TRAPPC9: variants seen among roughly 807,000 people sequenced by gnomAD.
TRAPPC9 encodes the protein trafficking protein particle complex subunit 9, also known as IKK2 binding protein.
TRAPPC9 carries 83 observed loss-of-function variants against 124.0 expected under a neutral mutation model. That is an observed-to-expected ratio of 0.67 (90% CI 0.56 to 0.80). The LOEUF is 0.80. Among genes scored for constraint, TRAPPC9 ranks in the 30% least tolerant of loss-of-function variants. The pLI, the probability that TRAPPC9 is intolerant of heterozygous loss-of-function variation, is 0.00. For missense variants in TRAPPC9, 1,302 were observed against 1,508.3 expected (o/e 0.86, Z 2.27); for synonymous variants, 638 against 617.5 (o/e 1.03, Z -0.49).
intron 18 of TRAPPC9, among the ~76,000 whole-genome samples, chr8:140,018,295 T>C (rs1482633115): frequency 6.6e-6 from 1 of 151,602 alleles, no homozygotes; most frequent in East Asian, 1.9e-4. Flanking sequence ...TTTCAAATTG[T>C]TAGTTGCTGG....
chr8:140,125,487 G>A (rs997553594), intron 17 of TRAPPC9, among the ~76,000 whole-genome samples: 1 of 152,016 alleles, frequency 6.6e-6, no homozygotes, highest in African/African-American at 2.4e-5. Flanking sequence ...AAGCATGGCA[G>A]TGTCTGTCCG....
rs1169924165 is a variant in TRAPPC9 at position 139,825,844 on chromosome 8, G to A, written c.3055+60035C>T. 1.3e-5 allele frequency among the ~76,000 whole-genome samples: 2 copies of A among 152,070 alleles called. No individual in the cohort carries two copies. Among genetic ancestry groups the A allele is most frequent in the Non-Finnish European group, 2.9e-5 (2 of 68,022 alleles). On this transcript the variant is annotated intron_variant, in intron 21 of 22. Coordinates refer to ENST00000438773, the MANE Select transcript of TRAPPC9 (RefSeq NM_001160372.4). This position sits in a 1 kb window ranked among gnomAD's most constrained non-coding sequence, Gnocchi z 4.6. ...GAGTGTCAACGCCCAAGGATTTCCA[G>A]GGCTTCCTCACCCATGGGTTCCTGA... is the stretch of plus-strand genomic sequence containing the variant.
chr8:140,433,217 G>A (rs369201360), intron 4 of TRAPPC9, among the ~76,000 whole-genome samples: 6 of 151,818 alleles, frequency 4.0e-5, no homozygotes, highest in Admixed American at 1.3e-4. Context: ...ACTTGAGCCC[G>A]GGAGGCAGAG....
In TRAPPC9 at chr8:139,965,573, G is replaced by C. The variant is rs188412010; in HGVS notation, c.2810+23153C>G. ...AAATTTATCAAGAACAAAGAACAAA[G>C]GTTTCCAAGGCAAAGAAGCTTTGCT... is the stretch of plus-strand genomic sequence containing the variant. On this transcript the variant is annotated intron_variant, in intron 19 of 22. Transcript: ENST00000438773. Among the ~76,000 whole-genome samples the C allele has an allele frequency of 4.4e-3, 677 of 152,258 alleles. 11 individuals carry two copies. Among genetic ancestry groups the C allele is most frequent in the Non-Finnish European group, 2.2e-3 (152 of 68,028 alleles).
At chr8:139,915,520 T>A (rs1198970524) in intron 19 of TRAPPC9, among the ~76,000 whole-genome samples, 1 of 152,218 alleles carries the variant, frequency 6.6e-6, no homozygotes, top group South Asian at 2.1e-4. Flanking sequence ...ATACTGGGGT[T>A]ACAGGCATGA....
chr8:140,064,124 AT>A (rs1842778155), intron 17 of TRAPPC9, among the ~76,000 whole-genome samples: 1 of 151,904 alleles, frequency 6.6e-6, no homozygotes, highest in African/African-American at 2.4e-5. Flanking sequence ...CACATAATTA[AT>A]TTTCCCAACT....
At position 139,833,544 on chromosome 8, in the gene TRAPPC9, C is replaced by T. The variant is rs537325244; in HGVS notation, c.3055+52335G>A. On this transcript the variant is annotated intron_variant, in intron 21 of 22. Coordinates refer to ENST00000438773, the MANE Select transcript of TRAPPC9 (RefSeq NM_001160372.4). ...TCAGAGGTTGGCAGGGCAAATGCCC[C>T]GCAGATTAAAGAAGTCATTTCCTTA... Among the ~76,000 whole-genome samples, 3 of 152,342 alleles carry T rather than the reference C, an allele frequency of 2.0e-5. No homozygotes were observed. In the East Asian group the frequency reaches 5.8e-4, roughly 29 times the overall value.
intron 7 of TRAPPC9, among the ~76,000 whole-genome samples, chr8:140,372,714 C>G (rs1404372430): frequency 6.6e-6 from 1 of 152,208 alleles, no homozygotes; most frequent in Non-Finnish European, 1.5e-5. Context: ...GCTAGCTCAC[C>G]TGTTGCACCA....
rs183315954 is a variant in TRAPPC9, at chr8:140,125,869, C to T, written c.2556+95590G>A. 8.0e-4 allele frequency among the ~76,000 whole-genome samples: 122 copies of T among 152,102 alleles called. 1 individual carries two copies. The highest frequency in any genetic ancestry group is 3.4e-3 in the Middle Eastern group (1 of 294). On this transcript the variant is annotated intron_variant, in intron 17 of 22. Coordinates refer to ENST00000438773, the MANE Select transcript of TRAPPC9 (RefSeq NM_001160372.4). The stretch of plus-strand genomic sequence containing the variant: ...GACATCTCCTTTGAGCCAAGTGCCA[C>T]GCTAAATGCCTTTTTGCACTTGACC...
At chr8:139,921,195 G>C (rs550636513) in intron 19 of TRAPPC9, among the ~76,000 whole-genome samples, 1 of 152,164 alleles carries the variant, frequency 6.6e-6, no homozygotes, top group Admixed American at 6.5e-5. Flanking sequence ...ACCATACCAC[G>C]CGACTCCTCC....
intron 18 of TRAPPC9, chr8:140,008,553 G>A (rs1838908920): frequency 6.6e-6 from 1 of 152,318 alleles, no homozygotes; most frequent in East Asian, 1.9e-4. Context: ...CACCGTCAAA[G>A]AGGAAGCAGG....
At position 139,856,063 on chromosome 8, in the gene TRAPPC9, G is replaced by A. The variant is rs139226364; in HGVS notation, c.3055+29816C>T. On this transcript the variant is annotated intron_variant, in intron 21 of 22. Coordinates refer to ENST00000438773, the MANE Select transcript of TRAPPC9 (RefSeq NM_001160372.4). ...ATTAAAATAAAAATGATGCTCTCCA[G>A]CTTCACAGGCTGTGTGGGAGGGTGA... is the stretch of plus-strand genomic sequence containing the variant. Among the ~76,000 whole-genome samples, 585 of 152,298 alleles carry A rather than the reference G, an allele frequency of 3.8e-3. 6 individuals are homozygous for A. The highest frequency in any genetic ancestry group is 0.014 in the African/African-American group (571 of 41,554).
Position 139,797,016 on chromosome 8 carries a change from T to C in TRAPPC9, c.3056-64814A>G, listed in dbSNP as rs530007726. On this transcript the variant is annotated intron_variant, in intron 21 of 22. Transcript: ENST00000438773. ...GACTAATGAATAATGCTTGGCATCT[T>C]TTCGTGGCTGCTTGGCCATTTATAT... Among the ~76,000 whole-genome samples, 7 of 152,390 alleles carry C rather than the reference T, an allele frequency of 4.6e-5. No individual in the cohort carries two copies. The South Asian group carries it at 1.4e-3, about 32-fold the overall frequency.
At chr8:139,979,465 C>A (rs116807405) in intron 19 of TRAPPC9, among the ~76,000 whole-genome samples, 62 of 152,262 alleles carry the variant, frequency 4.1e-4, no homozygotes, top group African/African-American at 1.3e-3. Flanking sequence ...TGCAGCCTGG[C>A]GTCATGGCTC....
At chr8:139,867,507 A>AT (rs1828625700) in intron 21 of TRAPPC9, among the ~76,000 whole-genome samples, 1 of 152,232 alleles carries the variant, frequency 6.6e-6, no homozygotes, top group Non-Finnish European at 1.5e-5. Context: ...ATACTTAGTA[A>AT]CAACAAAGAG....
intron 17 of TRAPPC9, among the ~76,000 whole-genome samples, chr8:140,085,472 T>C (rs1217383176): frequency 6.6e-6 from 1 of 152,100 alleles, no homozygotes; most frequent in African/African-American, 2.4e-5. Context: ...ATGCAGAAGC[T>C]CTTTCTGTTG....
intron 18 of TRAPPC9, among the ~76,000 whole-genome samples, chr8:140,019,542 C>CTTTTTTTTTTTTTTTTTTT (rs71320340): frequency 2.3e-5 from 1 of 43,838 alleles, no homozygotes; most frequent in Non-Finnish European, 4.1e-5. Context: ...TAATTTGTGT[C>CTTTTTTTTTTTTTTTTTTT]TTTTTTTTTT....
At chr8:139,917,450 G>T (rs1295089020) in intron 19 of TRAPPC9, among the ~76,000 whole-genome samples, 1 of 152,100 alleles carries the variant, frequency 6.6e-6, no homozygotes, top group Non-Finnish European at 1.5e-5. Context: ...AAAGTGCTGG[G>T]ATTACAGGCT....
In TRAPPC9 at chr8:140,088,413, T is replaced by C. The variant is rs571184744; in HGVS notation, c.2557-64334A>G. On this transcript the variant is annotated intron_variant, in intron 17 of 22. Coordinates refer to ENST00000438773, the MANE Select transcript of TRAPPC9 (RefSeq NM_001160372.4). ...AACCTAGAGATAAACAAGAACAAACTTGGGAATGGAAAAGTTGTAGCACAG... is the reference window on the plus strand; with the variant it reads ...AACCTAGAGATAAACAAGAACAAACCTGGGAATGGAAAAGTTGTAGCACAG... 5.9e-5 allele frequency among the ~76,000 whole-genome samples: 9 copies of C among 152,178 alleles called. No homozygotes were observed. The South Asian group carries it at 8.3e-4, about 14-fold the overall frequency.
Sources: allele counts gnomAD v4.1 joint callset (sites outside exome capture counted in the v4.1 genomes callset), GRCh38; gene constraint gnomAD v4.1.1; non-coding constraint Gnocchi (gnomAD v3.1); transcripts MANE v1.5; gene names NCBI Gene and HGNC (gene_info 2026-07-23, HGNC 2026-07-21).